Variants in CNTN5 observed in about 807,000 individuals in gnomAD.
The protein encoded by CNTN5 is contactin 5.
In CNTN5, 77 loss-of-function variants were observed where a neutral mutation model predicts 129.1. The ratio of observed to expected loss-of-function variants is 0.60; its 90% CI spans 0.50 to 0.72. CNTN5 has a LOEUF of 0.72. Ranked by LOEUF, CNTN5 falls within the 30% of genes least tolerant of loss-of-function variation. The pLI is 0.00. For missense variants in CNTN5, 1,478 were observed against 1,328.8 expected (o/e 1.11, Z -1.75); for synonymous variants, 509 against 465.6 (o/e 1.09, Z -1.20).
intron 2 of CNTN5, among the ~76,000 whole-genome samples, chr11:99,501,606 A>G (rs1424604603): frequency 6.6e-6 from 1 of 152,186 alleles, no homozygotes; most frequent in East Asian, 1.9e-4. Flanking sequence ...TAGGACAAAA[A>G]AAGTTTTGAA....
At chr11:99,623,367 G>A (rs1326617972) in intron 3 of CNTN5, among the ~76,000 whole-genome samples, 4 of 152,060 alleles carry the variant, frequency 2.6e-5, no homozygotes, top group African/African-American at 9.7e-5. Context: ...CTTTGACTAA[G>A]TTTTGCTTTT....
chr11:99,667,374 G>A (rs189383215), intron 3 of CNTN5, among the ~76,000 whole-genome samples: 3 of 152,120 alleles, frequency 2.0e-5, no homozygotes, highest in East Asian at 1.9e-4. Context: ...AAAGTAAATG[G>A]CATTTATAAG....
chr11:99,876,554 A>C (rs1591351637), intron 6 of CNTN5, among the ~76,000 whole-genome samples: 1 of 152,208 alleles, frequency 6.6e-6, no homozygotes, highest in South Asian at 2.1e-4. Flanking sequence ...GTCTGAATAC[A>C]TGTACATTTA....
intron 13 of CNTN5, among the ~76,000 whole-genome samples, chr11:100,159,211 A>G (rs2138350513): frequency 6.6e-6 from 1 of 151,992 alleles, no homozygotes. Flanking sequence ...GTGAAAAAAA[A>G]AAGTTAAAAT....
At chr11:99,164,915 G>A (rs1860802729) in intron 1 of CNTN5, among the ~76,000 whole-genome samples, 1 of 152,142 alleles carries the variant, frequency 6.6e-6, no homozygotes, top group Non-Finnish European at 1.5e-5. Flanking sequence ...ATAGCGAGAT[G>A]TTTGTGTGCA....
At chr11:100,129,847 G>C (rs908858205) in intron 13 of CNTN5, among the ~76,000 whole-genome samples, 3 of 151,954 alleles carry the variant, frequency 2.0e-5, no homozygotes, top group African/African-American at 7.2e-5. Context: ...GTTTGTGTGT[G>C]TGTGTGTGTT....
At chr11:99,384,136 T>A (rs1478100633) in intron 2 of CNTN5, among the ~76,000 whole-genome samples, 3 of 152,092 alleles carry the variant, frequency 2.0e-5, no homozygotes, top group Non-Finnish European at 4.4e-5. Flanking sequence ...CCCTCCTCCT[T>A]TCAAAAAGCT....
Position 100,346,518 on chromosome 11 carries a change from C to T in CNTN5, c.3031-4184C>T, listed in dbSNP as rs141392409. ...TTTCACTTCAGCAAATGTCCCCTTC[C>T]CCACAAACAAAAACTGTTATCCCTT... On this transcript the variant is annotated intron_variant, in intron 23 of 24. Coordinates refer to ENST00000524871, the MANE Select transcript of CNTN5 (RefSeq NM_014361.4). Among the ~76,000 whole-genome samples, 57 of 152,166 alleles carry T rather than the reference C, an allele frequency of 3.7e-4. No homozygotes were observed. In the East Asian group the frequency reaches 0.01, roughly 28 times the overall value.
intron 1 of CNTN5, among the ~76,000 whole-genome samples, chr11:99,168,375 C>T (rs570512569): frequency 2.0e-5 from 3 of 152,082 alleles, no homozygotes; most frequent in South Asian, 2.1e-4. Flanking sequence ...GTCAGGAGTT[C>T]GAGACCAGCC....
chr11:99,646,229 T>C (rs1951954886), intron 3 of CNTN5, among the ~76,000 whole-genome samples: 2 of 152,226 alleles, frequency 1.3e-5, no homozygotes, highest in Admixed American at 1.3e-4. Flanking sequence ...TGGAAAAGCC[T>C]GTTACAAGTG....
At chr11:100,018,376 CT>C (rs1940945815) in intron 9 of CNTN5, among the ~76,000 whole-genome samples, 1 of 151,918 alleles carries the variant, frequency 6.6e-6, no homozygotes, top group South Asian at 2.1e-4. Context: ...ACTACGTTAC[CT>C]TTTCTAGTCA....
intron 6 of CNTN5, among the ~76,000 whole-genome samples, chr11:99,875,249 T>G (rs978009457): frequency 1.3e-5 from 2 of 152,126 alleles, no homozygotes; most frequent in African/African-American, 4.8e-5. Flanking sequence ...CACACGTGAA[T>G]CTCAGAAAAA....
At chr11:100,041,624 G>C (rs932530106) in intron 9 of CNTN5, among the ~76,000 whole-genome samples, 1 of 152,184 alleles carries the variant, frequency 6.6e-6, no homozygotes, top group Non-Finnish European at 1.5e-5. Context: ...AGGCAAAAAT[G>C]ATATGTGAGA....
chr11:100,353,230 GTA>G, intron 24 of CNTN5, among the ~76,000 whole-genome samples: 1 of 151,516 alleles, frequency 6.6e-6, no homozygotes, highest in Non-Finnish European at 1.5e-5. Context: ...CTGAGTTTCA[GTA>G]TGGGAAACTC....
intron 17 of CNTN5, among the ~76,000 whole-genome samples, chr11:100,262,937 A>AT (rs1256538551): frequency 1.3e-5 from 2 of 152,146 alleles, no homozygotes; most frequent in Non-Finnish European, 2.9e-5. Flanking sequence ...TTAAAGTATA[A>AT]TAAAAAAAAG....
At chr11:99,434,946 T>C (rs1489951001) in intron 2 of CNTN5, among the ~76,000 whole-genome samples, 1 of 152,176 alleles carries the variant, frequency 6.6e-6, no homozygotes, top group African/African-American at 2.4e-5. Flanking sequence ...TAATCTTGCA[T>C]CCAATTTTAG....
chr11:99,577,664 T>C (rs1223157197), intron 3 of CNTN5, among the ~76,000 whole-genome samples: 4 of 151,996 alleles, frequency 2.6e-5, no homozygotes, highest in Non-Finnish European at 5.9e-5. Context: ...ATACAGTGTT[T>C]AAAAGAGTTT....
At chr11:99,329,912 G>A (rs1381200583) in intron 2 of CNTN5, among the ~76,000 whole-genome samples, 2 of 98,458 alleles carry the variant, frequency 2.0e-5, no homozygotes, top group African/African-American at 7.5e-5. Context: ...TATACAAGCA[G>A]TGACACACAC....
chr11:99,689,714 C>G (rs922102702), intron 3 of CNTN5, among the ~76,000 whole-genome samples: 6 of 151,602 alleles, frequency 4.0e-5, no homozygotes, highest in African/African-American at 1.5e-4. Flanking sequence ...ATTTCCTGGC[C>G]ACATGTATGT....
Sources: gnomAD v4.1 joint callset for allele counts (sites outside exome capture counted in the v4.1 genomes callset) on GRCh38, gnomAD v4.1.1 for gene constraint, MANE v1.5 for transcripts, NCBI Gene and HGNC (gene_info 2026-07-23, HGNC 2026-07-21) for gene names.